The following RGS7 variants were observed in gnomAD, a reference collection of about 807,000 sequenced individuals.
RGS7 encodes regulator of G-protein signaling 7.
Under a neutral mutation model 81.1 loss-of-function variants are expected in RGS7, and 27 were observed. That is an observed-to-expected ratio of 0.33 (90% CI 0.25 to 0.46). RGS7 has a LOEUF of 0.46. RGS7 is among the 20% of genes least tolerant of loss of function. The probability of loss-of-function intolerance (pLI) is 1.00; values close to 1 mark genes in which losing one functional copy is unlikely to be tolerated. For missense variants in RGS7, 396 were observed against 607.4 expected (o/e 0.65, Z 3.66); for synonymous variants, 208 against 207.7 (o/e 1.00, Z -0.01).
chr1:240,825,059 T>C (rs761763986), intron 10 of RGS7, among the ~76,000 whole-genome samples: 1 of 152,208 alleles, frequency 6.6e-6, no homozygotes, highest in Non-Finnish European at 1.5e-5. Context: ...GTTTGTGGCA[T>C]TTTGTTAAGG....
At position 241,098,530 on chromosome 1, in the gene RGS7, T is replaced by A. The variant is rs533254932; in HGVS notation, c.175+136A>T. On this transcript the variant is annotated intron_variant, in intron 3 of 18. Coordinates refer to ENST00000440928, the MANE Select transcript of RGS7 (RefSeq NM_001364886.1). The stretch of plus-strand genomic sequence containing the variant: ...TTTCAAGTGTTTCACATGATAAATA[T>A]ACCACAGGCATTTTATAAGTAGTTA... 319 of 704,192 alleles carry A rather than the reference T, an allele frequency of 4.5e-4. 10 individuals are homozygous for A. In the South Asian group the frequency reaches 4.8e-3, roughly 11 times the overall value. The allele number at this position is 704,192 out of a possible 1,614,324, so 43.6% of individuals were successfully genotyped here.
At chr1:241,240,189 G>C (rs78410661) in intron 2 of RGS7, among the ~76,000 whole-genome samples, 1,679 of 152,278 alleles carry the variant, frequency 0.011, 11 homozygotes, top group Non-Finnish European at 0.017. Flanking sequence ...GAAGGAAAAA[G>C]CTGCATGGTA....
At chr1:241,309,247 G>A (rs554886360) in intron 2 of RGS7, among the ~76,000 whole-genome samples, 157 of 151,896 alleles carry the variant, frequency 1.0e-3, no homozygotes, top group African/African-American at 3.4e-3. Flanking sequence ...TTAGCCGGGC[G>A]TGGTGGCAGG....
chr1:241,134,903 C>A (rs1289417073), intron 2 of RGS7, among the ~76,000 whole-genome samples: 1 of 151,376 alleles, frequency 6.6e-6, no homozygotes, highest in African/African-American at 2.5e-5. Context: ...ACAGCGGAAG[C>A]AGGACGACAG....
At chr1:241,288,781 A>C (rs1379187664) in intron 2 of RGS7, among the ~76,000 whole-genome samples, 1 of 152,214 alleles carries the variant, frequency 6.6e-6, no homozygotes, top group Admixed American at 6.5e-5. Context: ...GCCTCTGGTC[A>C]AGAAATTGAG....
chr1:241,082,066 C>T (rs1384091078), intron 3 of RGS7, among the ~76,000 whole-genome samples: 1 of 152,126 alleles, frequency 6.6e-6, no homozygotes, highest in African/African-American at 2.4e-5. Flanking sequence ...AGAATTTTCC[C>T]TTTATGGAAT....
intron 9 of RGS7, among the ~76,000 whole-genome samples, chr1:240,862,408 A>G (rs1265099574): frequency 2.0e-5 from 3 of 152,168 alleles, no homozygotes; most frequent in Non-Finnish European, 4.4e-5. Flanking sequence ...TTTCCTCACT[A>G]CATTTCTGGC....
chr1:240,973,048 TA>T (rs572191626), intron 4 of RGS7, among the ~76,000 whole-genome samples: 1,844 of 136,110 alleles, frequency 0.014, 13 homozygotes, highest in African/African-American at 0.026. Context: ...AGACTCCAAT[TA>T]AAAAAAAAAA....
chr1:241,039,531 G>T (rs1375957260), intron 3 of RGS7, among the ~76,000 whole-genome samples: 1 of 152,006 alleles, frequency 6.6e-6, no homozygotes, highest in Non-Finnish European at 1.5e-5. Context: ...GGTAGATTTA[G>T]AAGAGATTGG....
rs143044674 is a variant in RGS7 at position 240,819,276 on chromosome 1, T to C, written c.685-2861A>G. Among the ~76,000 whole-genome samples the C allele has an allele frequency of 1.7e-3, 260 of 152,306 alleles. 9 individuals are homozygous for C. The East Asian group carries it at 0.032, about 19-fold the overall frequency. On this transcript the variant is annotated intron_variant, in intron 10 of 18. Transcript: ENST00000440928. The stretch of plus-strand genomic sequence containing the variant: ...AACAGTGCTTATAAAAAATAGCTGA[T>C]GGTTTTAACAGTAAGTTTTTAGGCG...
intron 3 of RGS7, among the ~76,000 whole-genome samples, chr1:241,037,445 G>GC (rs1256044846): frequency 6.6e-6 from 1 of 152,178 alleles, no homozygotes; most frequent in African/African-American, 2.4e-5. Context: ...TGGAGGCCGG[G>GC]CCCAGTGGCT....
chr1:241,139,676 T>C (rs2067787479), intron 2 of RGS7, among the ~76,000 whole-genome samples: 1 of 152,208 alleles, frequency 6.6e-6, no homozygotes, highest in Non-Finnish European at 1.5e-5. Context: ...TTGTCTGTCT[T>C]TTTTATTATA....
At chr1:241,082,609 C>T (rs548956711) in intron 3 of RGS7, among the ~76,000 whole-genome samples, 2 of 152,014 alleles carry the variant, frequency 1.3e-5, no homozygotes, top group East Asian at 3.9e-4. Context: ...TTAACAGGTA[C>T]AAAAATACAG....
intron 2 of RGS7, among the ~76,000 whole-genome samples, chr1:241,159,216 C>T (rs1309170608): frequency 6.6e-6 from 1 of 152,166 alleles, no homozygotes; most frequent in African/African-American, 2.4e-5. Flanking sequence ...GGCTTACAAG[C>T]CTTTCAGAAT....
At chr1:241,046,823 CTCT>C (rs1311489914) in intron 3 of RGS7, among the ~76,000 whole-genome samples, 7 of 152,038 alleles carry the variant, frequency 4.6e-5, no homozygotes, top group Non-Finnish European at 1.0e-4. Flanking sequence ...TAGGTTTTGT[CTCT>C]TCTTCTTCAA....
chr1:241,303,673 T>A (rs2079909584), intron 2 of RGS7, among the ~76,000 whole-genome samples: 1 of 152,194 alleles, frequency 6.6e-6, no homozygotes, highest in South Asian at 2.1e-4. Flanking sequence ...ATCCCTTAAA[T>A]CTCTTTGAAT....
At chr1:240,962,194 T>G (rs1019867045) in intron 4 of RGS7, among the ~76,000 whole-genome samples, 1 of 152,096 alleles carries the variant, frequency 6.6e-6, no homozygotes. Flanking sequence ...GTAGAAAAGT[T>G]CTACCACTTC....
rs1170190226 is a variant in RGS7, at chr1:241,023,382, GT to G, written c.176-40254del. Among the ~76,000 whole-genome samples, 7 of 152,270 alleles carry G rather than the reference GT, an allele frequency of 4.6e-5. No individual in the cohort carries two copies. The South Asian group carries it at 8.3e-4, about 18-fold the overall frequency. On this transcript the variant is annotated intron_variant, in intron 3 of 18. Coordinates refer to ENST00000440928, the MANE Select transcript of RGS7 (RefSeq NM_001364886.1). ...CTTGCCAGTTTTGTAACCCAGCACT[GT>G]CCTTCTCAAGGACCTGAGAACCATT...
At position 240,816,339 on chromosome 1, in the gene RGS7, G is replaced by T; in HGVS notation, c.761C>A (p.Thr254Lys). 1 of 1,611,040 alleles carries T rather than the reference G, an allele frequency of 6.2e-7. No individual in the cohort carries two copies. The highest frequency in any genetic ancestry group is 8.5e-7 in the Non-Finnish European group (1 of 1,177,326). Residue 254 changes from threonine to lysine, a missense_variant, in exon 11 of 19, where the codon ACA (threonine) becomes AAA (lysine). Coordinates refer to ENST00000440928, the MANE Select transcript of RGS7 (RefSeq NM_001364886.1). ...CACCTGTTGTTGTAACTCATCTTCT[G>T]TTGGAGGTTTAGTTTCTGGTGTGGG... ...HTPTPETKPPTEDELQQQIKY... is the reference protein window; with the variant it reads ...HTPTPETKPPKEDELQQQIKY...
Sources: allele counts gnomAD v4.1 joint callset (sites outside exome capture counted in the v4.1 genomes callset), GRCh38; gene constraint gnomAD v4.1.1; transcripts MANE v1.5; gene names NCBI Gene and HGNC (gene_info 2026-07-23, HGNC 2026-07-21).